Variants in STARD13 observed in about 807,000 individuals in gnomAD.
The protein encoded by STARD13 is StAR related lipid transfer domain containing 13.
In STARD13, 62 loss-of-function variants were observed where a neutral mutation model predicts 106.4. The observed-to-expected ratio is 0.58, with a 90% confidence interval of 0.48 to 0.72. The LOEUF (loss-of-function observed/expected upper bound fraction) is 0.72, where lower values mean the gene tolerates loss of function less well. Among genes scored for constraint, STARD13 ranks in the 30% least tolerant of loss-of-function variants. The probability of loss-of-function intolerance (pLI) is 0.00; values close to 1 mark genes in which losing one functional copy is unlikely to be tolerated. For missense variants in STARD13, 1,387 were observed against 1,424.0 expected, an observed-to-expected ratio of 0.97 and a Z score of 0.42; for synonymous variants, 565 against 553.0, an observed-to-expected ratio of 1.02 and a Z score of -0.31.
At chr13:33,658,099 C>T in the STARD13 span, 4 of 152,292 alleles carry the variant, frequency 2.6e-5, no homozygotes, top group African/African-American at 9.7e-5. Context: ...AACCACCATA[C>T]TACTTCCTGT....
the STARD13 span, among the ~76,000 whole-genome samples, chr13:33,543,927 C>T: frequency 6.6e-6 from 1 of 152,172 alleles, no homozygotes. Context: ...AGTTAGTAGT[C>T]CTTTTGACTC....
the STARD13 span, among the ~76,000 whole-genome samples, chr13:33,378,812 GA>G: frequency 4.7e-5 from 7 of 147,758 alleles, no homozygotes; most frequent in East Asian, 2.0e-4. Flanking sequence ...AAAAAAAAAA[GA>G]AAAAAAGAAA....
At chr13:33,415,677 TGC>T in the STARD13 span, among the ~76,000 whole-genome samples, 1 of 151,958 alleles carries the variant, frequency 6.6e-6, no homozygotes, top group South Asian at 2.1e-4. Flanking sequence ...TTGTGTATAA[TGC>T]TGGTTTCATA....
downstream of STARD13, among the ~76,000 whole-genome samples, chr13:33,344,244 A>G (rs1380862060): frequency 6.6e-6 from 1 of 152,222 alleles, no homozygotes; most frequent in Non-Finnish European, 1.5e-5. Flanking sequence ...GACAACCCTG[A>G]TATAAGTGAT....
rs186463782 is a variant in STARD13 at position 33,159,187 on chromosome 13, T to G, written c.323+6150A>C. ...TTTGGGGGTATGTATGGACGAATCC[T>G]GCTACGGGCTATATCATGACAGGTC... On this transcript the variant is annotated intron_variant, in intron 3 of 13. Transcript: ENST00000336934. Among the ~76,000 whole-genome samples the G allele has an allele frequency of 5.9e-5, 9 of 152,280 alleles. No individual in the cohort carries two copies. In the East Asian group the frequency reaches 1.7e-3, roughly 29 times the overall value.
At chr13:33,450,762 T>C in the STARD13 span, among the ~76,000 whole-genome samples, 4 of 152,310 alleles carry the variant, frequency 2.6e-5, no homozygotes, top group South Asian at 8.3e-4. Context: ...TTGAAGAATA[T>C]GCTCATTGGG....
At chr13:33,363,685 C>G in the STARD13 span, among the ~76,000 whole-genome samples, 1 of 152,174 alleles carries the variant, frequency 6.6e-6, no homozygotes, top group Non-Finnish European at 1.5e-5. Flanking sequence ...ACTGACTCTT[C>G]TTTTCTAAAG....
chr13:33,141,549 A>C (rs1170348011), intron 4 of STARD13, among the ~76,000 whole-genome samples: 1 of 152,194 alleles, frequency 6.6e-6, no homozygotes, highest in Non-Finnish European at 1.5e-5. Context: ...ACTGAACCGA[A>C]TTCCTTGTGG....
At chr13:33,626,245 G>T in the STARD13 span, among the ~76,000 whole-genome samples, 1 of 152,118 alleles carries the variant, frequency 6.6e-6, no homozygotes, top group African/African-American at 2.4e-5. Context: ...ATTAGTGTAA[G>T]GACAAAGTCA....
chr13:33,467,097 T>G, the STARD13 span, among the ~76,000 whole-genome samples: 1 of 152,066 alleles, frequency 6.6e-6, no homozygotes, highest in Non-Finnish European at 1.5e-5. Context: ...TATTGTTAAC[T>G]TTATTTCTAT....
intron 1 of STARD13, among the ~76,000 whole-genome samples, chr13:33,210,620 A>C (rs1218586420): frequency 6.6e-6 from 1 of 152,266 alleles, no homozygotes; most frequent in Non-Finnish European, 1.5e-5. Context: ...GATTTAAAAT[A>C]TAGGTGATTA....
chr13:33,622,647 C>T, the STARD13 span, among the ~76,000 whole-genome samples: 1 of 105,238 alleles, frequency 9.5e-6, no homozygotes, highest in Non-Finnish European at 1.9e-5. Context: ...AAAGGCTGGG[C>T]GTGGTGGCTC....
At chr13:33,336,675 G>A (rs1157631194) in intron 1 of STARD13, 2 of 148,024 alleles carry the variant, frequency 1.4e-5, no homozygotes, top group South Asian at 2.1e-4. Context: ...AGGATGGCTT[G>A]AGCCACAGAA....
At chr13:33,334,585 G>A (rs2077873335) in intron 1 of STARD13, among the ~76,000 whole-genome samples, 1 of 152,206 alleles carries the variant, frequency 6.6e-6, no homozygotes, top group Admixed American at 6.5e-5. Context: ...TAAAAGGAGA[G>A]ACCCTCAAGA....
chr13:33,129,268 C>T lies in STARD13; in HGVS notation c.1409G>A (p.Ser470Asn), dbSNP rs768395282. The change falls in exon 5 of 14, where the codon AGC (serine) becomes AAC (asparagine). Residue 470 changes from serine to asparagine, a missense_variant. Ser to Asn is a conservative substitution (Grantham distance 46). Coordinates refer to ENST00000336934, the MANE Select transcript of STARD13 (RefSeq NM_178006.4). ...DNVPGSHLYA[S>N]TGDLLDLEKD... ...CTCCAAGTCCAAAAGATCTCCTGTGCTGGCATACAGATGGGAGCCAGGGAC... is the reference window on the plus strand; with the variant it reads ...CTCCAAGTCCAAAAGATCTCCTGTGTTGGCATACAGATGGGAGCCAGGGAC... 2.0e-5 allele frequency: 33 copies of T among 1,614,066 alleles called. No homozygotes were observed. The highest frequency in any genetic ancestry group is 6.8e-6 in the Non-Finnish European group (8 of 1,180,042).
At chr13:33,285,863 A>C, upstream of STARD13, 1 of 1,065,220 alleles carries the variant, frequency 9.4e-7, no homozygotes, top group Non-Finnish European at 1.2e-6. Context: ...GAACGTTTGC[A>C]GTCAGCCCTA....
At chr13:33,144,407 C>T (rs1880248030) in intron 3 of STARD13, among the ~76,000 whole-genome samples, 1 of 152,186 alleles carries the variant, frequency 6.6e-6, no homozygotes, top group Non-Finnish European at 1.5e-5. Context: ...ATTCAGTCTC[C>T]TGTCGTTGTT....
chr13:33,325,290 G>A (rs1188879514), intron 1 of STARD13, among the ~76,000 whole-genome samples: 1 of 152,148 alleles, frequency 6.6e-6, no homozygotes, highest in Non-Finnish European at 1.5e-5. Context: ...GCTGGCATGT[G>A]AGGCCTCAGT....
At chr13:33,424,641 C>A in the STARD13 span, among the ~76,000 whole-genome samples, 3 of 152,076 alleles carry the variant, frequency 2.0e-5, no homozygotes, top group East Asian at 5.8e-4. Context: ...TCTCTGGCAG[C>A]GTCCGGGGGC....
Sources: allele counts gnomAD v4.1 joint callset (sites outside exome capture counted in the v4.1 genomes callset), GRCh38; gene constraint gnomAD v4.1.1; transcripts MANE v1.5; gene names NCBI Gene and HGNC (gene_info 2026-07-23, HGNC 2026-07-21).